Variants in ELFN1 observed in about 807,000 individuals in gnomAD.
ELFN1 encodes extracellular leucine rich repeat and fibronectin type III domain containing 1.
Under a neutral mutation model 7.6 loss-of-function variants are expected in ELFN1, and 6 were observed. That is an observed-to-expected ratio of 0.79 (90% confidence interval 0.43 to 1.56). The LOEUF (loss-of-function observed/expected upper bound fraction) is 1.56. ELFN1 is among the 40% of genes most tolerant of loss of function. The pLI, the probability that ELFN1 is intolerant of heterozygous loss-of-function variation, is 0.01. For missense variants in ELFN1, 1,169 were observed against 1,232.2 expected (o/e 0.95, Z 0.77); for synonymous variants, 657 against 588.1 (o/e 1.12, Z -1.70).
intron 1 of ELFN1, among the ~76,000 whole-genome samples, chr7:1,677,840 G>A (rs1314891735): frequency 1.3e-5 from 2 of 151,938 alleles, no homozygotes; most frequent in South Asian, 2.1e-4. Context: ...AGCGTGTGGA[G>A]CTCCCGCGGG....
upstream of ELFN1, among the ~76,000 whole-genome samples, chr7:1,666,109 G>A (rs1778667209): frequency 6.6e-6 from 1 of 152,002 alleles, no homozygotes; most frequent in African/African-American, 2.4e-5. The surrounding 1 kb of genome is among the most constrained non-coding windows in gnomAD (Gnocchi z 7.9). Flanking sequence ...GGGGAACCGG[G>A]GTGCGCGCGC....
At chr7:1,689,008 A>G (rs907370577) in intron 2 of ELFN1, among the ~76,000 whole-genome samples, 2 of 152,234 alleles carry the variant, frequency 1.3e-5, no homozygotes, top group Admixed American at 6.5e-5. Flanking sequence ...TAATACCCCA[A>G]TAAACCCATT....
chr7:1,677,825 C>A (rs893146643), intron 1 of ELFN1, among the ~76,000 whole-genome samples: 1 of 152,028 alleles, frequency 6.6e-6, no homozygotes, highest in African/African-American at 2.4e-5. Context: ...CTCTGAGATG[C>A]AGGGAGCGTG....
Position 1,745,755 on chromosome 7 carries a change from G to C in ELFN1, c.1159G>C (p.Gly387Arg). The change falls in exon 4 of 4, where the codon GGG becomes CGG. Residue 387 changes from glycine (G) to arginine (R), a missense_variant. Gly to Arg is a moderately radical substitution (Grantham distance 125). Coordinates refer to ENST00000424383, the MANE Select transcript of ELFN1 (RefSeq NM_001128636.4). ...CTACTGCGTGGTGTCCACCAGCGCC[G>C]GGCTGCGCCACAACCACACCTGCCT... ...YTYCVVSTSA[G>R]LRHNHTCLTI... 1 of 1,551,782 alleles carries C rather than the reference G, an allele frequency of 6.4e-7. No homozygotes were observed. The highest frequency in any genetic ancestry group is 8.7e-7 in the Non-Finnish European group (1 of 1,147,658).
rs776351770 is a variant in ELFN1 at position 1,745,622 on chromosome 7, G to A, written c.1026G>A (p.Met342Ile). Residue 342 changes from methionine to isoleucine, a missense_variant, in exon 4 of 4, where the codon ATG (methionine) becomes ATA (isoleucine). Met to Ile is a conservative substitution (Grantham distance 10). Around this residue, in one of 2 missense-constraint regions of ELFN1, gnomAD observed 914 missense variants for 872.6 expected, o/e 1.05. Coordinates refer to ENST00000424383, the MANE Select transcript of ELFN1 (RefSeq NM_001128636.4). ...AGCTGCCCAGCCCGTTCCACCGGAT[G>A]TACACCCTGGAGCATTTCAACAACA... The part of the protein sequence containing the change: ...TVQLPSPFHR[M>I]YTLEHFNNSK... 10 of 1,550,940 alleles carry A rather than the reference G, an allele frequency of 6.4e-6. No homozygotes were observed. The highest frequency in any genetic ancestry group is 1.4e-5 in the African/African-American group (1 of 73,018).
rs942793771 is a variant in ELFN1, at chr7:1,746,853, C to T, written c.2257C>T (p.Leu753=). 2.6e-5 allele frequency: 40 copies of T among 1,537,784 alleles called. No individual in the cohort carries two copies. The African/African-American group carries it at 4.5e-4, about 17-fold the overall frequency. ...PRPRDLAYSQ[L]SPQYHSLSYS... is the part of the protein sequence containing the mutation. ...GCCCCGCGACCTCGCCTACTCGCAG[C>T]TGTCCCCGCAGTACCACAGCCTGAG... is the stretch of plus-strand genomic sequence containing the variant. Residue 753 remains leucine (L), a synonymous_variant, in exon 4 of 4, where the codon CTG becomes TTG. Coordinates refer to ENST00000424383, the MANE Select transcript of ELFN1 (RefSeq NM_001128636.4).
At chr7:1,675,969 C>A (rs142744629) in intron 1 of ELFN1, among the ~76,000 whole-genome samples, 1 of 152,092 alleles carries the variant, frequency 6.6e-6, no homozygotes, top group Non-Finnish European at 1.5e-5. Context: ...GTCTCCTGGG[C>A]GTGGACTCTG....
chr7:1,747,320 A>ACG lies in ELFN1; in HGVS notation c.*238_*239insGC. Reference sequence around the variant, plus strand: ...CACGTGTCCACACACACACACACACACACACACACACACACGAGGGACTTC... The same window carrying ACG: ...CACGTGTCCACACACACACACACACACGCACACACACACACACGAGGGACTTC... On this transcript the variant is annotated 3_prime_UTR_variant, in exon 4 of 4. Transcript: ENST00000424383. 3.7e-6 allele frequency: 1 copy of ACG among 271,342 alleles called. No homozygotes were observed. 16.8% of individuals were successfully genotyped at this position (271,342 alleles called of 1,614,324 possible).
Position 1,715,590 on chromosome 7 carries a change from T to A in ELFN1, c.-294+6338T>A, listed in dbSNP as rs552128612. On this transcript the variant is annotated intron_variant, in intron 3 of 3. Coordinates refer to ENST00000424383, the MANE Select transcript of ELFN1 (RefSeq NM_001128636.4). ...CCCTTCCCCGCTGCAATCAGCCTCCTCCTGCAGGCAGGCCAGGCTGCAGGG... is the reference window on the plus strand; with the variant it reads ...CCCTTCCCCGCTGCAATCAGCCTCCACCTGCAGGCAGGCCAGGCTGCAGGG... Among the ~76,000 whole-genome samples, 4 of 152,350 alleles carry A rather than the reference T, an allele frequency of 2.6e-5. No individual in the cohort carries two copies. In the East Asian group the frequency reaches 7.7e-4, roughly 29 times the overall value.
At chr7:1,677,408 G>A (rs768932360) in intron 1 of ELFN1, among the ~76,000 whole-genome samples, 7 of 152,214 alleles carry the variant, frequency 4.6e-5, no homozygotes, top group Admixed American at 1.3e-4. Flanking sequence ...CTTCATTTGC[G>A]TGTGGCTCTG....
At position 1,745,851 on chromosome 7, in the gene ELFN1, A is replaced by G; in HGVS notation, c.1255A>G (p.Ile419Val). 1 of 1,588,846 alleles carries G rather than the reference A, an allele frequency of 6.3e-7. No homozygotes were observed. Among genetic ancestry groups the G allele is most frequent in the Non-Finnish European group, 8.6e-7 (1 of 1,169,310 alleles). ...VPSPSTATHY[I>V]MTILGCLFGM... The stretch of plus-strand genomic sequence containing the variant: ...CAGCCCCTCCACGGCCACCCACTAC[A>G]TCATGACCATCCTGGGCTGCCTCTT... Residue 419 changes from isoleucine (I) to valine (V), a missense_variant, in exon 4 of 4, where the codon ATC (isoleucine) becomes GTC (valine). Transcript: ENST00000424383.
intron 1 of ELFN1, among the ~76,000 whole-genome samples, chr7:1,678,965 C>G (rs902608944): frequency 6.6e-6 from 1 of 152,116 alleles, no homozygotes. Context: ...GTGCTCACCC[C>G]GAGGAACTGG....
rs79870618 is a variant in ELFN1 at position 1,747,283 on chromosome 7, C to G, written c.*200C>G. The G allele has an allele frequency of 4.3e-5, 20 of 469,296 alleles. No homozygotes were observed. Among genetic ancestry groups the G allele is most frequent in the Non-Finnish European group, 7.1e-6 (2 of 283,080 alleles). 29.1% of individuals were successfully genotyped at this position (469,296 alleles called of 1,614,324 possible). On this transcript the variant is annotated 3_prime_UTR_variant, in exon 4 of 4. Transcript: ENST00000424383. The stretch of plus-strand genomic sequence containing the variant: ...GTGGCCGGTCCTGGGATGCGCTTGT[C>G]GCCCCGGGTGGCACGTGTCCACACA...
chr7:1,693,549 C>T (rs748212068), intron 2 of ELFN1: 33 of 471,144 alleles, frequency 7.0e-5, no homozygotes, highest in African/African-American at 3.6e-4. Flanking sequence ...ACATACACGC[C>T]TGTGGACGTA....
chr7:1,707,827 G>T (rs1562368283), intron 2 of ELFN1, among the ~76,000 whole-genome samples: 1 of 151,994 alleles, frequency 6.6e-6, no homozygotes, highest in East Asian at 1.9e-4. Context: ...TCATCTATTT[G>T]CACACACACA....
At position 1,705,585 on chromosome 7, in the gene ELFN1, A is replaced by G. The variant is rs559861097; in HGVS notation, c.-455-3506A>G. 3.9e-5 allele frequency among the ~76,000 whole-genome samples: 6 copies of G among 152,260 alleles called. No homozygotes were observed. Among genetic ancestry groups the G allele is most frequent in the Non-Finnish European group, 7.4e-5 (5 of 68,004 alleles). Reference sequence around the variant, plus strand: ...AGATGGCAGGCCTCACAGCCTCACCATGCACCTGTGTGATCAGCCACTCGG... The same window carrying G: ...AGATGGCAGGCCTCACAGCCTCACCGTGCACCTGTGTGATCAGCCACTCGG... On this transcript the variant is annotated intron_variant, in intron 2 of 3. Coordinates refer to ENST00000424383, the MANE Select transcript of ELFN1 (RefSeq NM_001128636.4). This position sits in a 1 kb window ranked among gnomAD's most constrained non-coding sequence, Gnocchi z 4.3.
At chr7:1,674,212 C>G (rs575761022) in intron 1 of ELFN1, among the ~76,000 whole-genome samples, 2 of 152,078 alleles carry the variant, frequency 1.3e-5, no homozygotes, top group African/African-American at 4.8e-5. Context: ...GAGAGGACCA[C>G]TCCTCCGCTC....
At chr7:1,681,091 T>C (rs1213156419) in intron 1 of ELFN1, among the ~76,000 whole-genome samples, 1 of 152,244 alleles carries the variant, frequency 6.6e-6, no homozygotes, top group Non-Finnish European at 1.5e-5. Flanking sequence ...TCCTGCATCC[T>C]GCAATATGCA....
In ELFN1 at chr7:1,713,982, G is replaced by A. The variant is rs908751956; in HGVS notation, c.-294+4730G>A. 3.3e-5 allele frequency among the ~76,000 whole-genome samples: 5 copies of A among 152,246 alleles called. 1 individual carries two copies. Among genetic ancestry groups the A allele is most frequent in the Admixed American group, 2.0e-4 (3 of 15,302 alleles). On this transcript the variant is annotated intron_variant, in intron 3 of 3. Coordinates refer to ENST00000424383, the MANE Select transcript of ELFN1 (RefSeq NM_001128636.4). ...AGCCGCCGTCCAGAGATCAGCTGGC[G>A]GCTGCTGAGCAAACAGCACGAGCTA...
Sources: allele counts gnomAD v4.1 joint callset (sites outside exome capture counted in the v4.1 genomes callset), GRCh38; gene constraint gnomAD v4.1.1; regional missense constraint gnomAD v4.1.1; non-coding constraint Gnocchi (gnomAD v3.1); transcripts MANE v1.5; gene names NCBI Gene and HGNC (gene_info 2026-07-23, HGNC 2026-07-21).